Variants in MYO5B observed in about 807,000 individuals in gnomAD.
MYO5B encodes the protein myosin VB, also known as unconventional myosin-Vb.
A neutral mutation model predicts 229.3 loss-of-function variants in MYO5B; 143 were observed. The observed-to-expected ratio is 0.62, with a 90% CI of 0.54 to 0.72. The LOEUF (loss-of-function observed/expected upper bound fraction) is 0.72. MYO5B is among the 30% of genes least tolerant of loss of function. MYO5B has a pLI of 0.00. For missense variants in MYO5B, 2,321 were observed against 2,331.0 expected (o/e 1.00, Z 0.09); for synonymous variants, 918 against 885.2 (o/e 1.04, Z -0.66).
chr18:50,033,356 C>T (rs774281032), intron 4 of MYO5B, among the ~76,000 whole-genome samples: 13 of 152,100 alleles, frequency 8.5e-5, no homozygotes, highest in Non-Finnish European at 1.8e-4. Flanking sequence ...CTAGTTTTCT[C>T]GGACGATCTG....
Position 49,962,967 on chromosome 18 carries a change from G to C in MYO5B, c.1386C>G (p.Leu462=), listed in dbSNP as rs2025577427. 2 of 1,613,928 alleles carry C rather than the reference G, an allele frequency of 1.2e-6. No homozygotes were observed. Among genetic ancestry groups the C allele is most frequent in the Non-Finnish European group, 1.7e-6 (2 of 1,179,956 alleles). The change falls in exon 11 of 40, where the codon CTC becomes CTG. Residue 462 remains leucine (L), a synonymous_variant. Transcript: ENST00000285039. ...QFCINYANEK[L]QQQFNSHVFK... ...AGCCTACCGAGTTGAACTGCTGCTG[G>C]AGCTTTTCATTTGCATAGTTGATAC...
intron 10 of MYO5B, among the ~76,000 whole-genome samples, chr18:49,973,689 G>A (rs2025714624): frequency 6.6e-6 from 1 of 152,188 alleles, no homozygotes; most frequent in African/African-American, 2.4e-5. Flanking sequence ...AGACCAGAGA[G>A]GGTCTGCTAT....
At chr18:49,882,827 C>A (rs1394894100) in intron 22 of MYO5B, among the ~76,000 whole-genome samples, 2 of 152,060 alleles carry the variant, frequency 1.3e-5, no homozygotes, top group Non-Finnish European at 2.9e-5. Context: ...AAAATTTAAA[C>A]AGTATCTACT....
intron 4 of MYO5B, among the ~76,000 whole-genome samples, chr18:50,006,168 G>A (rs896485469): frequency 2.0e-5 from 3 of 152,190 alleles, no homozygotes; most frequent in Non-Finnish European, 2.9e-5. Flanking sequence ...CTAACAGGAA[G>A]TAGGGGTAGG....
intron 1 of MYO5B, among the ~76,000 whole-genome samples, chr18:50,173,113 A>C (rs2032942529): frequency 6.6e-6 from 1 of 152,072 alleles, no homozygotes; most frequent in South Asian, 2.1e-4. Flanking sequence ...AAACACAAAA[A>C]AATTAGCTGG....
chr18:49,988,316 C>T lies in MYO5B; in HGVS notation c.838+2123G>A, dbSNP rs549290764. ...CCCTCAGCCAATCCACCCATGAGGC[C>T]GAGGACAGCCTGACACCAGAGCACA... On this transcript the variant is annotated intron_variant, in intron 7 of 39. Coordinates refer to ENST00000285039, the MANE Select transcript of MYO5B (RefSeq NM_001080467.3). Among the ~76,000 whole-genome samples the T allele has an allele frequency of 7.2e-5, 11 of 152,254 alleles. No homozygotes were observed. In the East Asian group the frequency reaches 7.7e-4, roughly 11 times the overall value.
At chr18:50,075,054 C>A (rs1314051013) in intron 1 of MYO5B, among the ~76,000 whole-genome samples, 2 of 152,124 alleles carry the variant, frequency 1.3e-5, no homozygotes, top group Non-Finnish European at 2.9e-5. Flanking sequence ...CCTTGGCCTC[C>A]CAAAGTGCTG....
At chr18:49,950,773 T>C (rs1449074472) in intron 14 of MYO5B, among the ~76,000 whole-genome samples, 2 of 152,188 alleles carry the variant, frequency 1.3e-5, no homozygotes, top group Non-Finnish European at 2.9e-5. Context: ...TTACATTTAA[T>C]TTCTAATAAA....
At chr18:49,903,651 A>T (rs2024868399) in intron 20 of MYO5B, among the ~76,000 whole-genome samples, 1 of 152,192 alleles carries the variant, frequency 6.6e-6, no homozygotes, top group Admixed American at 6.5e-5. Flanking sequence ...CTTTACTTTT[A>T]TTATTTAGAA....
At chr18:49,937,068 T>A (rs1321765066) in intron 15 of MYO5B, among the ~76,000 whole-genome samples, 177 bp downstream of exon 15, 1 of 152,178 alleles carries the variant, frequency 6.6e-6, no homozygotes, top group African/African-American at 2.4e-5. Flanking sequence ...TAGTTCCTTG[T>A]GGTGAAGGTA....
chr18:49,902,808 G>A lies in MYO5B; in HGVS notation c.2597C>T (p.Thr866Ile). The part of the protein sequence containing the change: ...RQVLMEHKAT[T>I]IQKHVRGWMA... ...CCAGCCCCGCACGTGCTTCTGGATG[G>A]TGGTGGCCTTGTGCTCCATGAGGAC... The change falls in exon 21 of 40, where the codon ACC becomes ATC. Residue 866 changes from threonine to isoleucine, a missense_variant. Thr to Ile is a moderately conservative substitution (Grantham distance 89, BLOSUM62 -1). Around this residue, in one of 2 missense-constraint regions of MYO5B, gnomAD observed 2,113 missense variants for 2,044.7 expected, o/e 1.03. Coordinates refer to ENST00000285039, the MANE Select transcript of MYO5B (RefSeq NM_001080467.3). The A allele has an allele frequency of 1.2e-6, 2 of 1,601,444 alleles. No homozygotes were observed. The highest frequency in any genetic ancestry group is 1.7e-6 in the Non-Finnish European group (2 of 1,179,920).
intron 33 of MYO5B, among the ~76,000 whole-genome samples, chr18:49,844,858 T>C (rs1249882010): frequency 6.6e-6 from 1 of 152,262 alleles, no homozygotes; most frequent in East Asian, 1.9e-4. Context: ...CCCAGCTAAA[T>C]GTTAGCATCT....
At chr18:50,049,240 T>C (rs564085478) in intron 2 of MYO5B, among the ~76,000 whole-genome samples, 7 of 152,342 alleles carry the variant, frequency 4.6e-5, no homozygotes, top group African/African-American at 1.7e-4. Context: ...ATGTCATTTT[T>C]ACTGCTGTAT....
chr18:49,881,258 A>C (rs1337022928), intron 22 of MYO5B, among the ~76,000 whole-genome samples: 1 of 152,184 alleles, frequency 6.6e-6, no homozygotes, highest in Non-Finnish European at 1.5e-5. Flanking sequence ...TAGGAAGGCC[A>C]AAATCTCACA....
At chr18:50,004,866 AT>A (rs1161896818) in intron 4 of MYO5B, among the ~76,000 whole-genome samples, 3 of 152,230 alleles carry the variant, frequency 2.0e-5, no homozygotes, top group African/African-American at 7.2e-5. Context: ...CTGTGTACAT[AT>A]CCACTTTCCT....
chr18:49,859,182 C>A (rs2024298994), intron 29 of MYO5B, among the ~76,000 whole-genome samples: 1 of 152,240 alleles, frequency 6.6e-6, no homozygotes, highest in African/African-American at 2.4e-5. Context: ...GGGCTAATCA[C>A]CTCCACGCCC....
chr18:49,950,031 C>G (rs142476311), intron 14 of MYO5B, among the ~76,000 whole-genome samples: 4 of 152,278 alleles, frequency 2.6e-5, no homozygotes, highest in African/African-American at 4.8e-5. Context: ...CTGTGTATAG[C>G]CCATCTGCAG....
At chr18:49,840,373 A>G (rs2024041879) in intron 35 of MYO5B, 2 of 152,258 alleles carry the variant, frequency 1.3e-5, no homozygotes, top group South Asian at 2.1e-4. Flanking sequence ...CAGGCCATCA[A>G]ATGAAGTGCT....
chr18:49,898,846 CT>C (rs2024810209), intron 21 of MYO5B, among the ~76,000 whole-genome samples: 1 of 152,138 alleles, frequency 6.6e-6, no homozygotes, highest in African/African-American at 2.4e-5. Context: ...CTGGTTTTAT[CT>C]TTGTTTCCTC....
Sources: allele counts gnomAD v4.1 joint callset (sites outside exome capture counted in the v4.1 genomes callset), GRCh38; gene constraint gnomAD v4.1.1; regional missense constraint gnomAD v4.1.1; transcripts MANE v1.5; gene names NCBI Gene and HGNC (gene_info 2026-07-23, HGNC 2026-07-21).